The following GAREM1 variants were observed in gnomAD, a reference collection of about 807,000 sequenced individuals.
GAREM1 encodes the protein GRB2 associated regulator of MAPK1 subtype 1, also known as GRB2-associated and regulator of MAPK protein 1.
A neutral mutation model predicts 71.3 loss-of-function variants in GAREM1; 26 were observed. The ratio of observed to expected loss-of-function variants is 0.36; its 90% CI spans 0.27 to 0.51. GAREM1 has a LOEUF of 0.51. Ranked by LOEUF, GAREM1 falls within the 20% of genes least tolerant of loss-of-function variation. The pLI is 0.95. For missense variants in GAREM1, 1,026 were observed against 1,103.1 expected, an observed-to-expected ratio of 0.93 and a Z score of 0.99; for synonymous variants, 440 against 433.2, an observed-to-expected ratio of 1.02 and a Z score of -0.20.
chr18:32,280,497 T>C (rs1243863287), intron 4 of GAREM1, among the ~76,000 whole-genome samples: 1 of 152,196 alleles, frequency 6.6e-6, no homozygotes, highest in African/African-American at 2.4e-5. Flanking sequence ...TTCACAGCCT[T>C]AGAGCCTCAT....
intron 2 of GAREM1, among the ~76,000 whole-genome samples, chr18:32,392,434 T>C (rs16963314): frequency 0.076 from 11,546 of 152,226 alleles, 453 homozygotes; most frequent in African/African-American, 0.097. Context: ...TAAATGCCTA[T>C]TGAAAGGAGA....
At chr18:32,459,934 CTGTTA>C (rs1024035135) in intron 1 of GAREM1, among the ~76,000 whole-genome samples, 7 of 152,084 alleles carry the variant, frequency 4.6e-5, no homozygotes, top group African/African-American at 1.7e-4. Context: ...ATGACAGACT[CTGTTA>C]TAACGAGTGC....
chr18:32,348,114 A>T (rs764985349), intron 2 of GAREM1, among the ~76,000 whole-genome samples: 70 of 152,222 alleles, frequency 4.6e-4, no homozygotes, highest in Admixed American at 9.2e-4. Flanking sequence ...TGCTCTAAAA[A>T]TTATCAAAAG....
intron 1 of GAREM1, 97 bp from the exon 2 acceptor site, chr18:32,393,132 A>T: frequency 1.7e-6 from 2 of 1,164,234 alleles, no homozygotes; most frequent in Non-Finnish European, 2.4e-6. Flanking sequence ...TGACTAATGC[A>T]GAAGTTGACA....
chr18:32,403,779 A>G (rs2048339629), intron 1 of GAREM1, among the ~76,000 whole-genome samples: 1 of 152,174 alleles, frequency 6.6e-6, no homozygotes, highest in South Asian at 2.1e-4. Flanking sequence ...CAGTGATTTT[A>G]TGGCTTTGCT....
chr18:32,366,649 T>C (rs2047931006), intron 2 of GAREM1, among the ~76,000 whole-genome samples: 2 of 152,254 alleles, frequency 1.3e-5, no homozygotes. Context: ...CAAGACAGTC[T>C]AATGATCACA....
At chr18:32,351,852 T>C (rs2047756554) in intron 2 of GAREM1, among the ~76,000 whole-genome samples, 1 of 152,186 alleles carries the variant, frequency 6.6e-6, no homozygotes, top group Non-Finnish European at 1.5e-5. Flanking sequence ...AAAAGAATTA[T>C]TAGTTTCCAT....
At position 32,268,322 on chromosome 18, in the gene GAREM1, G is replaced by C. The variant is rs780556108; in HGVS notation, c.2180C>G (p.Pro727Arg). The change falls in exon 6 of 6, where the codon CCC becomes CGC. Residue 727 changes from proline (P) to arginine (R), a missense_variant. Physicochemically the swap from Pro to Arg is moderately radical, Grantham distance 103. Around this residue, in one of 3 missense-constraint regions of GAREM1, gnomAD observed 636 missense variants for 631.2 expected, o/e 1.01. Coordinates refer to ENST00000269209, the MANE Select transcript of GAREM1 (RefSeq NM_001242409.2). ...KQSTSCPALP[P>R]RAPKLVEEKV... is the part of the protein sequence containing the mutation. ...CTCTTCCACTAGTTTTGGAGCCCTG[G>C]GGGGTAAGGCAGGGCATGACGTACT... 6 of 1,613,954 alleles carry C rather than the reference G, an allele frequency of 3.7e-6. No homozygotes were observed. Among genetic ancestry groups the C allele is most frequent in the Non-Finnish European group, 5.1e-6 (6 of 1,179,990 alleles).
intron 2 of GAREM1, among the ~76,000 whole-genome samples, chr18:32,350,748 G>A (rs1228580762): frequency 6.6e-6 from 1 of 152,134 alleles, no homozygotes; most frequent in African/African-American, 2.4e-5. Flanking sequence ...CATTTCTACT[G>A]TAGAAACAAA....
intron 1 of GAREM1, 31 bp from the exon 2 acceptor site, chr18:32,393,066 A>C (rs2048218591): frequency 6.3e-7 from 1 of 1,597,544 alleles, no homozygotes. Flanking sequence ...TGAGAAACTT[A>C]GAATTCATAA....
chr18:32,304,076 G>T (rs1296786679), intron 3 of GAREM1, among the ~76,000 whole-genome samples: 4 of 152,216 alleles, frequency 2.6e-5, no homozygotes, highest in Admixed American at 2.6e-4. Context: ...GGAGGCCGAG[G>T]AGGGTGGATC....
intron 2 of GAREM1, among the ~76,000 whole-genome samples, chr18:32,329,703 TAAAA>T (rs756082703): frequency 5.1e-5 from 4 of 78,148 alleles, no homozygotes; most frequent in African/African-American, 1.7e-4. Context: ...GAGACTCCAT[TAAAA>T]AAAAAAAAAA....
intron 3 of GAREM1, among the ~76,000 whole-genome samples, chr18:32,300,005 C>T (rs903921271): frequency 6.6e-6 from 1 of 152,138 alleles, no homozygotes; most frequent in Non-Finnish European, 1.5e-5. Flanking sequence ...GGGCTGAGTG[C>T]TTTAATCAAT....
At chr18:32,288,641 A>T (rs189241031) in intron 3 of GAREM1, among the ~76,000 whole-genome samples, 80 of 152,058 alleles carry the variant, frequency 5.3e-4, no homozygotes, top group African/African-American at 1.8e-3. Flanking sequence ...TCAATTTTTT[A>T]AAAAATTATA....
At chr18:32,294,186 C>T (rs2047116087) in intron 3 of GAREM1, among the ~76,000 whole-genome samples, 1 of 152,108 alleles carries the variant, frequency 6.6e-6, no homozygotes, top group African/African-American at 2.4e-5. Flanking sequence ...TAAGAGAAAA[C>T]CCTTATTCTC....
chr18:32,345,094 C>A (rs75853118), intron 2 of GAREM1, among the ~76,000 whole-genome samples: 13,263 of 151,942 alleles, frequency 0.087, 993 homozygotes, highest in African/African-American at 0.2. Context: ...AAAAACCAAA[C>A]AACAACAACA....
Position 32,467,317 on chromosome 18 carries a change from C to G in GAREM1, c.121+2991G>C, listed in dbSNP as rs138521610. 1.4e-4 allele frequency among the ~76,000 whole-genome samples: 22 copies of G among 152,308 alleles called. No homozygotes were observed. In the East Asian group the frequency reaches 3.9e-3, roughly 27 times the overall value. On this transcript the variant is annotated intron_variant, in intron 1 of 5. Coordinates refer to ENST00000269209, the MANE Select transcript of GAREM1 (RefSeq NM_001242409.2). Reference sequence around the variant, plus strand: ...ATTGACTTTCCAGTCCTCAAGCTCTCAGAGAGACAGTGAACCTATTTAGAG... The same window carrying G: ...ATTGACTTTCCAGTCCTCAAGCTCTGAGAGAGACAGTGAACCTATTTAGAG...
chr18:32,372,902 G>C (rs2047997597), intron 2 of GAREM1, among the ~76,000 whole-genome samples: 1 of 151,832 alleles, frequency 6.6e-6, no homozygotes, highest in Admixed American at 6.6e-5. Flanking sequence ...TTTTAGTAGA[G>C]GAGCAGAGCA....
intron 1 of GAREM1, among the ~76,000 whole-genome samples, chr18:32,440,372 C>T (rs929301351): frequency 6.6e-6 from 1 of 152,102 alleles, no homozygotes; most frequent in Non-Finnish European, 1.5e-5. Context: ...GTTGATATGT[C>T]CTAGTTCAAA....
Sources: gnomAD v4.1 joint callset for allele counts (sites outside exome capture counted in the v4.1 genomes callset) on GRCh38, gnomAD v4.1.1 for gene constraint, gnomAD v4.1.1 regional missense constraint, MANE v1.5 for transcripts, NCBI Gene and HGNC (gene_info 2026-07-23, HGNC 2026-07-21) for gene names.